Variants in CACNA1C observed in about 807,000 individuals in gnomAD.
CACNA1C encodes the protein calcium voltage-gated channel subunit alpha1 C, also known as voltage-dependent L-type calcium channel subunit alpha-1C.
CACNA1C carries 30 observed loss-of-function variants against 229.0 expected under a neutral mutation model. The observed-to-expected ratio is 0.13, with a 90% CI of 0.10 to 0.18. The LOEUF (loss-of-function observed/expected upper bound fraction) is 0.18. CACNA1C is among the 10% of genes least tolerant of loss of function. The probability of loss-of-function intolerance (pLI) is 1.00; values close to 1 mark genes in which losing one functional copy is unlikely to be tolerated. For missense variants in CACNA1C, 1,658 were observed against 2,845.0 expected (o/e 0.58, Z 9.49); for synonymous variants, 1,114 against 1,132.5 (o/e 0.98, Z 0.33).
Position 2,152,319 on chromosome 12 carries a change from G to T in CACNA1C, c.477+31889G>T, listed in dbSNP as rs1447115039. ...ACTACAGTTCTCATCCTCCCTTGTG[G>T]CTAAGTGAGGTTTTGTGACTAAGTT... On this transcript the variant is annotated intron_variant, in intron 3 of 46. Coordinates refer to ENST00000399655, the MANE Select transcript of CACNA1C (RefSeq NM_000719.7). The surrounding 1 kb of genome is among the most constrained non-coding windows in gnomAD (Gnocchi z 4.2). Among the ~76,000 whole-genome samples the T allele has an allele frequency of 6.6e-6, 1 of 152,232 alleles. No homozygotes were observed. The highest frequency in any genetic ancestry group is 2.4e-5 in the African/African-American group (1 of 41,460).
chr12:2,577,905 G>T (rs917383472), intron 13 of CACNA1C, among the ~76,000 whole-genome samples: 1 of 145,798 alleles, frequency 6.9e-6, no homozygotes, highest in Non-Finnish European at 1.5e-5. Flanking sequence ...GTCTCGCTCT[G>T]TCGCCCAGGC....
intron 11 of CACNA1C, among the ~76,000 whole-genome samples, chr12:2,561,008 C>A (rs989080233): frequency 8.5e-5 from 13 of 152,208 alleles, no homozygotes; most frequent in African/African-American, 2.9e-4. Flanking sequence ...CACCTCCACC[C>A]TCAGCCCTGG....
In CACNA1C at chr12:2,651,286, G is replaced by A. The variant is rs1335291269; in HGVS notation, c.3946-354G>A. ...GCAGTGCAGAGGAGGGGTTCCCAGG[G>A]CAGCTGGCTCTGGGCCTAGAAGATT... On this transcript the variant is annotated intron_variant, in intron 31 of 46. Coordinates refer to ENST00000399655, the MANE Select transcript of CACNA1C (RefSeq NM_000719.7). This position sits in a 1 kb window ranked among gnomAD's most constrained non-coding sequence, Gnocchi z 5.4. 1.1e-5 allele frequency: 4 copies of A among 361,642 alleles called. No homozygotes were observed. Among genetic ancestry groups the A allele is most frequent in the Non-Finnish European group, 2.0e-5 (4 of 198,702 alleles). 22.4% of individuals were successfully genotyped at this position (361,642 alleles called of 1,614,324 possible).
chr12:2,001,233 T>A (rs2042138856), intron 1 of CACNA1C, among the ~76,000 whole-genome samples: 1 of 152,146 alleles, frequency 6.6e-6, no homozygotes, highest in Admixed American at 6.5e-5. Context: ...TTTTTTTCTT[T>A]CTGAGCAAAG....
At chr12:2,460,590 A>G (rs1405316796) in intron 5 of CACNA1C, among the ~76,000 whole-genome samples, 2 of 152,194 alleles carry the variant, frequency 1.3e-5, no homozygotes, top group Non-Finnish European at 2.9e-5. Context: ...ATCTGCACTT[A>G]AGTAAGGTAG....
At chr12:2,197,621 A>G (rs1358977136) in intron 3 of CACNA1C, among the ~76,000 whole-genome samples, 1 of 152,218 alleles carries the variant, frequency 6.6e-6, no homozygotes, top group African/African-American at 2.4e-5. Flanking sequence ...TTTCTTCAAA[A>G]ATCAGAAATT....
Position 2,626,482 on chromosome 12 carries a change from C to A in CACNA1C, c.3829-7815C>A, listed in dbSNP as rs140851915. Among the ~76,000 whole-genome samples the A allele has an allele frequency of 1.7e-3, 261 of 152,322 alleles. 1 individual carries two copies. The highest frequency in any genetic ancestry group is 6.0e-3 in the African/African-American group (249 of 41,574). Reference sequence around the variant, plus strand: ...GAGAGATTGCTCCTCCTTGTTCCAGCCACATCTGATGCTGCTTGTTTCCTG... The same window carrying A: ...GAGAGATTGCTCCTCCTTGTTCCAGACACATCTGATGCTGCTTGTTTCCTG... On this transcript the variant is annotated intron_variant, in intron 29 of 46. Transcript: ENST00000399655.
At chr12:2,415,511 C>T (rs1276980585) in intron 3 of CACNA1C, among the ~76,000 whole-genome samples, 1 of 152,134 alleles carries the variant, frequency 6.6e-6, no homozygotes, top group Non-Finnish European at 1.5e-5. Context: ...TCCAAGGCCA[C>T]AGAAAATGAA....
intron 3 of CACNA1C, among the ~76,000 whole-genome samples, chr12:2,421,908 T>G (rs955506256): frequency 7.8e-5 from 10 of 127,894 alleles, no homozygotes; most frequent in Non-Finnish European, 1.5e-4. Flanking sequence ...AGACTCTGTC[T>G]CAACAAAAAA....
chr12:2,443,902 C>T (rs1860092), intron 3 of CACNA1C, among the ~76,000 whole-genome samples: 10,646 of 152,204 alleles, frequency 0.07, 442 homozygotes, highest in South Asian at 0.11. Flanking sequence ...TCTAGAAGGG[C>T]AGTCATGCCT....
At chr12:2,622,382 G>T (rs2083746315) in intron 29 of CACNA1C, among the ~76,000 whole-genome samples, 1 of 152,102 alleles carries the variant, frequency 6.6e-6, no homozygotes. Context: ...TCTGATCTGG[G>T]GTCTTCAGTG....
At chr12:2,581,177 G>A (rs1474640972) in intron 13 of CACNA1C, among the ~76,000 whole-genome samples, 1 of 152,208 alleles carries the variant, frequency 6.6e-6, no homozygotes, top group African/African-American at 2.4e-5. Flanking sequence ...TATGTGCCAG[G>A]CACTCTACAG....
chr12:2,063,065 C>T (rs925232752), intron 1 of CACNA1C, among the ~76,000 whole-genome samples: 2 of 152,114 alleles, frequency 1.3e-5, no homozygotes, highest in African/African-American at 4.8e-5. Flanking sequence ...AGTCACTTTT[C>T]ATTCCCCTCT....
chr12:2,511,811 G>A (rs1214395260), intron 8 of CACNA1C, among the ~76,000 whole-genome samples: 1 of 152,054 alleles, frequency 6.6e-6, no homozygotes, highest in Non-Finnish European at 1.5e-5. Context: ...TCATAGAAAA[G>A]AAATAGTTAT....
chr12:2,640,762 T>C (rs1400764409), intron 30 of CACNA1C, among the ~76,000 whole-genome samples: 1 of 152,144 alleles, frequency 6.6e-6, no homozygotes, highest in East Asian at 1.9e-4. Context: ...CACAACTTCC[T>C]ATAACTGTCA....
intron 9 of CACNA1C, among the ~76,000 whole-genome samples, chr12:2,534,806 G>GTTTT (rs1406762779): frequency 6.6e-6 from 1 of 152,230 alleles, no homozygotes; most frequent in Non-Finnish European, 1.5e-5. Context: ...AACTTCATAT[G>GTTTT]TTGGAAGGTG....
Position 2,679,072 on chromosome 12 carries a change from T to C in CACNA1C, c.5092-372T>C, listed in dbSNP as rs2096978174. ...CGCCCTCACGGTGTGCTGGCTGCTC[T>C]TAGGGACCACCATCCTAGACGTGCC... On this transcript the variant is annotated intron_variant, in intron 41 of 46. Transcript: ENST00000399655. This position sits in a 1 kb window ranked among gnomAD's most constrained non-coding sequence, Gnocchi z 5.5. 6.6e-6 allele frequency among the ~76,000 whole-genome samples: 1 copy of C among 152,200 alleles called. No homozygotes were observed. Among genetic ancestry groups the C allele is most frequent in the Admixed American group, 6.5e-5 (1 of 15,284 alleles).
intron 1 of CACNA1C, among the ~76,000 whole-genome samples, chr12:2,027,069 AT>A (rs528222495): frequency 1.4e-4 from 21 of 152,060 alleles, no homozygotes; most frequent in Non-Finnish European, 2.9e-4. Flanking sequence ...TAAAATGGTT[AT>A]TTTTTTGTTT....
rs921976808 is a variant in CACNA1C, at chr12:2,319,966, C to T, written c.478-129010C>T. Among the ~76,000 whole-genome samples, 3 of 152,196 alleles carry T rather than the reference C, an allele frequency of 2.0e-5. No homozygotes were observed. Among genetic ancestry groups the T allele is most frequent in the Admixed American group, 6.5e-5 (1 of 15,288 alleles). ...ATTCTGGTCCTGACACCGGCTCCCACCCTTTAAAGCTCCTGTCCCTGGGGG... is the reference window on the plus strand; with the variant it reads ...ATTCTGGTCCTGACACCGGCTCCCATCCTTTAAAGCTCCTGTCCCTGGGGG... On this transcript the variant is annotated intron_variant, in intron 3 of 46. Coordinates refer to ENST00000399655, the MANE Select transcript of CACNA1C (RefSeq NM_000719.7). The surrounding 1 kb of genome is among the most constrained non-coding windows in gnomAD (Gnocchi z 4.0).
Sources: allele counts gnomAD v4.1 joint callset (sites outside exome capture counted in the v4.1 genomes callset), GRCh38; gene constraint gnomAD v4.1.1; non-coding constraint Gnocchi (gnomAD v3.1); transcripts MANE v1.5; gene names NCBI Gene and HGNC (gene_info 2026-07-23, HGNC 2026-07-21).